The following PPFIA2 variants were observed in gnomAD, a reference collection of about 807,000 sequenced individuals.
The protein encoded by PPFIA2 is liprin-alpha-2.
In PPFIA2, 46 loss-of-function variants were observed where a neutral mutation model predicts 175.5. That is an observed-to-expected ratio of 0.26 (90% CI 0.21 to 0.34). The LOEUF (loss-of-function observed/expected upper bound fraction) is 0.34. Among genes scored for constraint, PPFIA2 ranks in the 10% least tolerant of loss-of-function variants. PPFIA2 has a pLI of 1.00. For missense variants in PPFIA2, 1,179 were observed against 1,506.1 expected, an observed-to-expected ratio of 0.78 and a Z score of 3.60; for synonymous variants, 568 against 511.4, an observed-to-expected ratio of 1.11 and a Z score of -1.49.
chr12:81,517,710 G>T (rs2062635034), intron 4 of PPFIA2, among the ~76,000 whole-genome samples: 1 of 152,132 alleles, frequency 6.6e-6, no homozygotes, highest in African/African-American at 2.4e-5. Context: ...TTGGTATGGT[G>T]TTGAGCACCA....
intron 4 of PPFIA2, among the ~76,000 whole-genome samples, chr12:81,642,745 G>GTATTATATACATACATGTATA (rs2065354322): frequency 1.2e-4 from 1 of 8,680 alleles, no homozygotes; most frequent in Non-Finnish European, 3.1e-4. Context: ...ATGTATGTAT[G>GTATTATATACATACATGTATA]TATTATATAC....
At chr12:81,735,895 C>T (rs990497404) in intron 3 of PPFIA2, among the ~76,000 whole-genome samples, 1 of 151,870 alleles carries the variant, frequency 6.6e-6, no homozygotes, top group Non-Finnish European at 1.5e-5. Flanking sequence ...CATAAATCTA[C>T]GGGGTTATTC....
intron 24 of PPFIA2, among the ~76,000 whole-genome samples, chr12:81,287,573 G>A (rs1272035533): frequency 2.0e-5 from 3 of 151,888 alleles, no homozygotes; most frequent in African/African-American, 7.2e-5. Context: ...GTAAAAAGCC[G>A]ACAGAAATAG....
chr12:81,503,551 A>T (rs1465389911), intron 4 of PPFIA2, among the ~76,000 whole-genome samples: 1 of 50,800 alleles, frequency 2.0e-5, no homozygotes, highest in Non-Finnish European at 3.6e-5. Flanking sequence ...TTATTTTGCT[A>T]AAAAAAAAAA....
intron 3 of PPFIA2, among the ~76,000 whole-genome samples, chr12:81,724,297 CT>C (rs1252904342): frequency 4.0e-5 from 6 of 150,848 alleles, no homozygotes; most frequent in African/African-American, 1.2e-4. Context: ...TATTAAATTG[CT>C]TATGTAATTT....
At chr12:81,393,625 T>G (rs1375534021) in intron 8 of PPFIA2, among the ~76,000 whole-genome samples, 1 of 152,052 alleles carries the variant, frequency 6.6e-6, no homozygotes, top group Non-Finnish European at 1.5e-5. Flanking sequence ...CTTTCAATTG[T>G]GAAGTTCAAT....
chr12:81,273,328 C>A (rs1307781744), intron 28 of PPFIA2, among the ~76,000 whole-genome samples: 2 of 151,982 alleles, frequency 1.3e-5, no homozygotes, highest in African/African-American at 4.8e-5. Flanking sequence ...CACCACCACC[C>A]CACTCCGTTC....
At position 81,368,933 on chromosome 12, in the gene PPFIA2, A is replaced by G. The variant is rs890745196; in HGVS notation, c.1351-77T>C. The G allele has an allele frequency of 8.5e-5, 125 of 1,471,906 alleles. 1 individual carries two copies. Among genetic ancestry groups the G allele is most frequent in the Non-Finnish European group, 8.9e-5 (97 of 1,087,000 alleles). 91.2% of individuals were successfully genotyped at this position (1,471,906 alleles called of 1,614,324 possible). ...ATTTTTATAGTGTTGCTAGTTTTAA[A>G]TTGAATTTAATTTTACATCTGTTTT... On this transcript the variant is annotated intron_variant, in intron 12 of 32. Transcript: ENST00000549396.
intron 4 of PPFIA2, among the ~76,000 whole-genome samples, chr12:81,535,139 C>T (rs1219710664): frequency 6.6e-6 from 1 of 151,524 alleles, no homozygotes; most frequent in African/African-American, 2.4e-5. Flanking sequence ...GCAAAATTGC[C>T]TATATTGGGT....
chr12:81,347,472 T>G, intron 18 of PPFIA2, 61 bp downstream of exon 18: 1 of 1,410,670 alleles, frequency 7.1e-7, no homozygotes. Context: ...CCAGTTAAGT[T>G]TTAGCTAAAG....
At chr12:81,499,589 C>T (rs1174104965) in intron 4 of PPFIA2, among the ~76,000 whole-genome samples, 1 of 152,104 alleles carries the variant, frequency 6.6e-6, no homozygotes, top group Non-Finnish European at 1.5e-5. Flanking sequence ...CACTTTTTGT[C>T]AGATCCCATT....
Position 81,651,824 on chromosome 12 carries a change from C to T in PPFIA2, c.303+24967G>A, listed in dbSNP as rs373540398. On this transcript the variant is annotated intron_variant, in intron 4 of 32. Transcript: ENST00000549396. Reference sequence around the variant, plus strand: ...ACTTCATTCCTATCTCACATAACCACAATATTCAAGAAATATTATCTGTTT... The same window carrying T: ...ACTTCATTCCTATCTCACATAACCATAATATTCAAGAAATATTATCTGTTT... Among the ~76,000 whole-genome samples the T allele has an allele frequency of 1.7e-3, 260 of 152,180 alleles. 1 individual carries two copies. The highest frequency in any genetic ancestry group is 6.1e-3 in the African/African-American group (252 of 41,512).
chr12:81,623,596 T>C (rs2062329544), intron 4 of PPFIA2, among the ~76,000 whole-genome samples: 1 of 151,996 alleles, frequency 6.6e-6, no homozygotes, highest in Non-Finnish European at 1.5e-5. Context: ...CTTCCTTTTT[T>C]CAAAGCACAT....
chr12:81,645,961 T>C (rs936157276), intron 4 of PPFIA2, among the ~76,000 whole-genome samples: 1 of 152,112 alleles, frequency 6.6e-6, no homozygotes, highest in Non-Finnish European at 1.5e-5. Context: ...CATCCAACAT[T>C]TAGTCCTGCT....
At chr12:81,485,290 T>C (rs1250642265) in intron 4 of PPFIA2, among the ~76,000 whole-genome samples, 1 of 151,822 alleles carries the variant, frequency 6.6e-6, no homozygotes, top group Non-Finnish European at 1.5e-5. Context: ...ATCGTTTTTG[T>C]ACAGGTTATG....
intron 28 of PPFIA2, among the ~76,000 whole-genome samples, chr12:81,273,146 C>T (rs2039585515): frequency 6.6e-6 from 1 of 152,088 alleles, no homozygotes; most frequent in African/African-American, 2.4e-5. Flanking sequence ...CCTTTGGCTT[C>T]AGCTTTCTGT....
intron 4 of PPFIA2, among the ~76,000 whole-genome samples, chr12:81,540,330 C>G (rs1257162040): frequency 1.3e-5 from 2 of 151,938 alleles, no homozygotes; most frequent in African/African-American, 4.8e-5. Flanking sequence ...TGTTTTATAT[C>G]AATTCAACAA....
intron 13 of PPFIA2, chr12:81,368,098 C>T (rs1387751707): frequency 1.6e-6 from 2 of 1,287,080 alleles, no homozygotes; most frequent in Non-Finnish European, 2.0e-6. Context: ...GGTTTTATAC[C>T]CTACCTTAAT....
intron 4 of PPFIA2, among the ~76,000 whole-genome samples, chr12:81,523,923 A>G (rs923624839): frequency 1.3e-5 from 2 of 152,160 alleles, no homozygotes. Flanking sequence ...TCTTAGAACA[A>G]AACTGAACCT....
Sources: gnomAD v4.1 joint callset for allele counts (sites outside exome capture counted in the v4.1 genomes callset) on GRCh38, gnomAD v4.1.1 for gene constraint, MANE v1.5 for transcripts, NCBI Gene and HGNC (gene_info 2026-07-23, HGNC 2026-07-21) for gene names.